ARHGAP25: variants seen among roughly 807,000 people sequenced by gnomAD.
ARHGAP25 encodes the protein Rho GTPase activating protein 25.
Under a neutral mutation model 71.0 loss-of-function variants are expected in ARHGAP25, and 34 were observed. The observed-to-expected ratio is 0.48, with a 90% CI of 0.36 to 0.64. The LOEUF is 0.64. Among genes scored for constraint, ARHGAP25 ranks in the 30% least tolerant of loss-of-function variants. ARHGAP25 has a pLI of 0.00. For synonymous variants in ARHGAP25, 282 were observed against 296.5 expected, an observed-to-expected ratio of 0.95 and a Z score of 0.50; for missense variants, 706 against 805.1, an observed-to-expected ratio of 0.88 and a Z score of 1.49.
At chr2:68,770,288 G>A (rs10173586) in intron 1 of ARHGAP25, among the ~76,000 whole-genome samples, 127,023 of 152,078 alleles carry the variant, frequency 0.84, 53,421 homozygotes, top group African/African-American at 0.88. Context: ...AGCTCAGAAA[G>A]GAGGGCTGGG....
chr2:68,751,500 T>A (rs894891545), intron 1 of ARHGAP25, among the ~76,000 whole-genome samples: 80 of 152,186 alleles, frequency 5.3e-4, no homozygotes, highest in African/African-American at 1.9e-3. Flanking sequence ...TTCCTCCTAT[T>A]CGCACACCTG....
intron 10 of ARHGAP25, among the ~76,000 whole-genome samples, chr2:68,823,605 A>G (rs955974685): frequency 3.3e-5 from 5 of 152,182 alleles, no homozygotes; most frequent in East Asian, 3.8e-4. Context: ...GCCTGGGGCC[A>G]GGGAGAGTGA....
At chr2:68,796,019 C>T (rs1353008460) in intron 4 of ARHGAP25, among the ~76,000 whole-genome samples, 1 of 152,054 alleles carries the variant, frequency 6.6e-6, no homozygotes, top group Non-Finnish European at 1.5e-5. Context: ...TTGTTCATTC[C>T]TTTTTATTCT....
At chr2:68,817,848 C>T in intron 7 of ARHGAP25, 25 bp from the exon 8 acceptor site, 1 of 1,612,742 alleles carries the variant, frequency 6.2e-7, no homozygotes, top group African/African-American at 1.3e-5. Flanking sequence ...TGCTTTCTAC[C>T]ATGGGATTTC....
At chr2:68,758,163 C>T (rs1676591616) in intron 1 of ARHGAP25, among the ~76,000 whole-genome samples, 1 of 151,876 alleles carries the variant, frequency 6.6e-6, no homozygotes, top group Non-Finnish European at 1.5e-5. Context: ...AAAAAATCAA[C>T]TAACACAAAA....
At chr2:68,745,886 G>A (rs1045275070) in intron 1 of ARHGAP25, among the ~76,000 whole-genome samples, 1 of 152,150 alleles carries the variant, frequency 6.6e-6, no homozygotes, top group African/African-American at 2.4e-5. Flanking sequence ...CGGCAGAAAG[G>A]GATGGGAGGG....
At chr2:68,789,913 G>C (rs190280439) in intron 4 of ARHGAP25, among the ~76,000 whole-genome samples, 58 of 152,216 alleles carry the variant, frequency 3.8e-4, no homozygotes, top group African/African-American at 1.3e-3. Context: ...AAAGTCCAGC[G>C]AAGGGGAAAT....
intron 3 of ARHGAP25, among the ~76,000 whole-genome samples, chr2:68,784,310 G>C (rs577058628): frequency 6.6e-6 from 1 of 152,232 alleles, no homozygotes; most frequent in African/African-American, 2.4e-5. Context: ...ACCCTAAAGT[G>C]AGATATCCTT....
At chr2:68,734,464 G>T (rs565178706), upstream of ARHGAP25, among the ~76,000 whole-genome samples, 72 of 152,306 alleles carry the variant, frequency 4.7e-4, no homozygotes, top group African/African-American at 1.7e-3. Context: ...TGGAGAGCTT[G>T]CGACATGGTC....
chr2:68,776,437 G>C (rs1178436481), intron 2 of ARHGAP25, among the ~76,000 whole-genome samples: 1 of 152,238 alleles, frequency 6.6e-6, no homozygotes, highest in African/African-American at 2.4e-5. Flanking sequence ...AAGTAATCTA[G>C]GTAAGGGGTT....
chr2:68,799,221 C>A (rs947553210), intron 4 of ARHGAP25, among the ~76,000 whole-genome samples: 4 of 152,134 alleles, frequency 2.6e-5, no homozygotes, highest in African/African-American at 9.7e-5. Flanking sequence ...GATTCCTGGC[C>A]TATTAATGAA....
At position 68,767,228 on chromosome 2, in the gene ARHGAP25, C is replaced by A. The variant is rs558036516; in HGVS notation, c.62-7993C>A. ...GTGCTTTTCATACTAAAGTTAAAAA[C>A]GAAACTCAAAAGAATGATGGGTGCT... is the stretch of plus-strand genomic sequence containing the variant. On this transcript the variant is annotated intron_variant, in intron 1 of 10. Coordinates refer to ENST00000409202, the MANE Select transcript of ARHGAP25 (RefSeq NM_001007231.3). This position sits in a 1 kb window ranked among gnomAD's most constrained non-coding sequence, Gnocchi z 4.6. Among the ~76,000 whole-genome samples the A allele has an allele frequency of 6.6e-6, 1 of 152,040 alleles. No homozygotes were observed. The highest frequency in any genetic ancestry group is 2.4e-5 in the African/African-American group (1 of 41,372).
At chr2:68,738,823 GAA>G (rs35421866) in intron 1 of ARHGAP25, among the ~76,000 whole-genome samples, 11 of 98,370 alleles carry the variant, frequency 1.1e-4, no homozygotes, top group South Asian at 3.2e-4. Context: ...TCTGTCTCAA[GAA>G]AAAAAAAAAA....
intron 9 of ARHGAP25, chr2:68,819,715 C>A (rs1681498600): frequency 3.9e-6 from 2 of 518,986 alleles, no homozygotes; most frequent in South Asian, 6.4e-5. Flanking sequence ...CCTGCTAACC[C>A]ATGAAACGTG....
At chr2:68,807,625 G>A (rs186051813) in intron 5 of ARHGAP25, 145 bp downstream of exon 5, 50 of 816,898 alleles carry the variant, frequency 6.1e-5, no homozygotes, top group African/African-American at 4.3e-4. Flanking sequence ...CCTTTGTTTC[G>A]CCCATGATTG....
Position 68,819,297 on chromosome 2 carries a change from G to T in ARHGAP25, c.1178G>T (p.Arg393Met), listed in dbSNP as rs375730981. 2 of 1,614,158 alleles carry T rather than the reference G, an allele frequency of 1.2e-6. No individual in the cohort carries two copies. The highest frequency in any genetic ancestry group is 2.2e-5 in the South Asian group (2 of 91,084). Residue 393 changes from arginine to methionine, a missense_variant, in exon 9 of 11, where the codon AGG becomes ATG. By Grantham distance (91) the Arg-to-Met change is moderately conservative (BLOSUM62 -1). Transcript: ENST00000409202. ...GCCACTGAAGACCTCCGAATTTCTA[G>T]GACAGACAGCTTCAGTAGCATGGTA... ...WDATEDLRIS[R>M]TDSFSSMTSD...
At chr2:68,821,092 C>CTTTTTTTT (rs34119311) in intron 9 of ARHGAP25, among the ~76,000 whole-genome samples, 112 of 99,418 alleles carry the variant, frequency 1.1e-3, no homozygotes, top group African/African-American at 2.0e-3. Context: ...CTTTTTCTTT[C>CTTTTTTTT]TTTTTTTTTT....
At chr2:68,792,747 T>G (rs1426898324) in intron 4 of ARHGAP25, among the ~76,000 whole-genome samples, 3 of 152,212 alleles carry the variant, frequency 2.0e-5, no homozygotes, top group Non-Finnish European at 2.9e-5. Flanking sequence ...CAAGTGCAGG[T>G]ATCTTTTTGT....
chr2:68,804,746 C>G (rs1047576734), intron 4 of ARHGAP25, among the ~76,000 whole-genome samples: 1 of 152,166 alleles, frequency 6.6e-6, no homozygotes, highest in Non-Finnish European at 1.5e-5. Flanking sequence ...CAAGGAGATT[C>G]CTATTAGTGT....
Sources: gnomAD v4.1 joint callset for allele counts (sites outside exome capture counted in the v4.1 genomes callset) on GRCh38, gnomAD v4.1.1 for gene constraint, Gnocchi (gnomAD v3.1) non-coding constraint, MANE v1.5 for transcripts, NCBI Gene and HGNC (gene_info 2026-07-23, HGNC 2026-07-21) for gene names.